The following TMEM74 variants were observed in gnomAD, a reference collection of about 807,000 sequenced individuals.
TMEM74 encodes transmembrane protein 74.
Under a neutral mutation model 18.1 loss-of-function variants are expected in TMEM74, and 13 were observed. That is an observed-to-expected ratio of 0.72 (90% CI 0.47 to 1.14). The LOEUF (loss-of-function observed/expected upper bound fraction) is 1.14. Ranked by LOEUF, TMEM74 falls within the 50% of genes most tolerant of loss-of-function variation. TMEM74 has a pLI of 0.00. For missense variants in TMEM74, 372 were observed against 375.9 expected (o/e 0.99, Z 0.09); for synonymous variants, 159 against 146.6 (o/e 1.08, Z -0.61).
At chr8:108,675,427 G>A (rs1319821881) in intron 1 of TMEM74, among the ~76,000 whole-genome samples, 1 of 152,094 alleles carries the variant, frequency 6.6e-6, no homozygotes, top group African/African-American at 2.4e-5. Flanking sequence ...AGCTGCCATG[G>A]TACAATGGAC....
At chr8:108,648,443 C>G (rs886945915) in intron 2 of TMEM74, among the ~76,000 whole-genome samples, 11 of 152,056 alleles carry the variant, frequency 7.2e-5, no homozygotes, top group Admixed American at 7.2e-4. Context: ...TTCACTACCC[C>G]GCAAAGATGT....
intron 2 of TMEM74, chr8:108,653,123 T>C (rs1812790621): frequency 5.9e-6 from 1 of 170,748 alleles, no homozygotes; most frequent in Admixed American, 6.3e-5. Context: ...AGGAATACTC[T>C]TTCAGGACAG....
chr8:108,685,720 C>G (rs1483519640), intron 1 of TMEM74, among the ~76,000 whole-genome samples: 1 of 151,966 alleles, frequency 6.6e-6, no homozygotes, highest in Non-Finnish European at 1.5e-5. Context: ...AACACTTTTA[C>G]TATTTGCATA....
intron 1 of TMEM74, among the ~76,000 whole-genome samples, chr8:108,728,192 GAGA>G (rs1405575748): frequency 6.6e-6 from 1 of 152,184 alleles, no homozygotes; most frequent in Admixed American, 6.6e-5. Context: ...AGTGGGCCAA[GAGA>G]AGTTGTTTTC....
chr8:108,656,262 G>T (rs1048501012), intron 1 of TMEM74, among the ~76,000 whole-genome samples: 2 of 152,136 alleles, frequency 1.3e-5, no homozygotes, highest in Admixed American at 1.3e-4. Context: ...TAGTGGTAAA[G>T]GTTGTAAACT....
At chr8:108,661,890 A>C (rs769929286) in intron 1 of TMEM74, among the ~76,000 whole-genome samples, 2 of 152,146 alleles carry the variant, frequency 1.3e-5, no homozygotes, top group Non-Finnish European at 2.9e-5. Flanking sequence ...GAAATTCTCT[A>C]TTCCTTATAA....
chr8:108,625,698 T>G (rs1253751512), intron 2 of TMEM74, among the ~76,000 whole-genome samples: 1 of 151,996 alleles, frequency 6.6e-6, no homozygotes, highest in African/African-American at 2.4e-5. Context: ...TGTTGCCCAC[T>G]ATGCAAAATA....
chr8:108,628,229 G>C (rs1003614947), intron 2 of TMEM74, among the ~76,000 whole-genome samples: 3 of 152,040 alleles, frequency 2.0e-5, no homozygotes, highest in Middle Eastern at 3.4e-3. Context: ...CTGGTTAGAG[G>C]CTATAGAGTT....
chr8:108,681,420 G>C (rs1200682894), intron 1 of TMEM74, among the ~76,000 whole-genome samples: 1 of 152,170 alleles, frequency 6.6e-6, no homozygotes, highest in Non-Finnish European at 1.5e-5. Flanking sequence ...ATGGGGAAAG[G>C]ATTCCCTATT....
intron 1 of TMEM74, among the ~76,000 whole-genome samples, chr8:108,662,273 T>C (rs1251267108): frequency 6.6e-6 from 1 of 150,878 alleles, no homozygotes; most frequent in African/African-American, 2.4e-5. Context: ...ACAGAAATAG[T>C]GAGAGACACA....
chr8:108,755,412 T>C, intron 1 of TMEM74, among the ~76,000 whole-genome samples: 1 of 152,128 alleles, frequency 6.6e-6, no homozygotes, highest in East Asian at 1.9e-4. Flanking sequence ...TGATAATTTG[T>C]CATACAGCAT....
chr8:108,745,711 C>T (rs946468456), intron 1 of TMEM74, among the ~76,000 whole-genome samples: 15 of 152,012 alleles, frequency 9.9e-5, no homozygotes, highest in African/African-American at 3.6e-4. Flanking sequence ...CGTCTTATGC[C>T]CAATTTCTGC....
chr8:108,689,165 C>T (rs1251103049), intron 1 of TMEM74, among the ~76,000 whole-genome samples: 1 of 152,184 alleles, frequency 6.6e-6, no homozygotes, highest in Non-Finnish European at 1.5e-5. Flanking sequence ...TCTGATAAGT[C>T]CTGCATTGGA....
At chr8:108,687,487 C>T (rs867620761) in intron 1 of TMEM74, among the ~76,000 whole-genome samples, 2 of 152,010 alleles carry the variant, frequency 1.3e-5, no homozygotes, top group African/African-American at 4.8e-5. Context: ...AGGATGTTTT[C>T]GGGATGATTC....
At chr8:108,786,059 G>T (rs780464117) in intron 1 of TMEM74, among the ~76,000 whole-genome samples, 4 of 152,164 alleles carry the variant, frequency 2.6e-5, no homozygotes. Context: ...CAATGCACAA[G>T]AAATTGACCA....
At chr8:108,766,111 T>A (rs2130666851) in intron 1 of TMEM74, among the ~76,000 whole-genome samples, 1 of 152,282 alleles carries the variant, frequency 6.6e-6, no homozygotes, top group Non-Finnish European at 1.5e-5. Flanking sequence ...AGCAGGATTT[T>A]AAAAGAGATC....
At chr8:108,774,490 G>A (rs1814206794), downstream of TMEM74, among the ~76,000 whole-genome samples, 1 of 152,188 alleles carries the variant, frequency 6.6e-6, no homozygotes, top group Non-Finnish European at 1.5e-5. Flanking sequence ...GCTTCTGTAA[G>A]TTCTTAGGCA....
rs867255387 is a variant in TMEM74 at position 108,718,084 on chromosome 8, G to A, written n.120-62647C>T. ...CGCCATTCTCCCGCCTCAGCCTCCC[G>A]AGTAGCTGGGACTACAGGCGCCCGC... On this transcript the variant is annotated intron_variant and non_coding_transcript_variant, in intron 1 of 3. Transcript: ENST00000518838. Among the ~76,000 whole-genome samples, 12 of 103,896 alleles carry A rather than the reference G, an allele frequency of 1.2e-4. 1 individual carries two copies. Among genetic ancestry groups the A allele is most frequent in the Non-Finnish European group, 1.5e-4 (9 of 58,608 alleles). 68.2% of individuals were successfully genotyped at this position (103,896 alleles called of 152,430 possible).
intron 3 of TMEM74, among the ~76,000 whole-genome samples, chr8:108,608,514 T>C (rs1461356431): frequency 6.6e-6 from 1 of 152,160 alleles, no homozygotes; most frequent in Non-Finnish European, 1.5e-5. Flanking sequence ...AAATATGCAA[T>C]AAATATTGAA....
Sources: allele counts gnomAD v4.1 joint callset (sites outside exome capture counted in the v4.1 genomes callset), GRCh38; gene constraint gnomAD v4.1.1; transcripts MANE v1.5; gene names NCBI Gene and HGNC (gene_info 2026-07-23, HGNC 2026-07-21).